Variants in HGF observed in about 807,000 individuals in gnomAD.
HGF encodes fibroblast-derived tumor cytotoxic factor.
Under a neutral mutation model 111.6 loss-of-function variants are expected in HGF, and 39 were observed. The observed-to-expected ratio is 0.35, with a 90% CI of 0.27 to 0.46. The LOEUF is 0.46. Ranked by LOEUF, HGF falls within the 20% of genes least tolerant of loss-of-function variation. The pLI is 1.00. For missense variants in HGF, 735 were observed against 910.5 expected (o/e 0.81, Z 2.48); for synonymous variants, 285 against 294.8 (o/e 0.97, Z 0.34).
chr7:81,741,263 T>C (rs565588666), intron 7 of HGF, among the ~76,000 whole-genome samples: 4 of 151,962 alleles, frequency 2.6e-5, no homozygotes, highest in Non-Finnish European at 5.9e-5. Flanking sequence ...GTGATATAGG[T>C]TTGGCTTACA....
At chr7:81,729,573 T>C (rs768282378) in intron 8 of HGF, 32 bp downstream of exon 8, 9 of 1,547,204 alleles carry the variant, frequency 5.8e-6, no homozygotes, top group Non-Finnish European at 8.0e-6. Flanking sequence ...CAGGGCCTAC[T>C]GAAATGTATA....
chr7:81,708,607 C>T (rs1789493090), intron 13 of HGF, among the ~76,000 whole-genome samples: 2 of 144,540 alleles, frequency 1.4e-5, no homozygotes, highest in South Asian at 4.3e-4. Context: ...CCATGCCCGG[C>T]TAATTTTTGT....
chr7:81,761,268 T>A (rs1423210233), intron 2 of HGF, among the ~76,000 whole-genome samples: 1 of 152,192 alleles, frequency 6.6e-6, no homozygotes, highest in Non-Finnish European at 1.5e-5. Flanking sequence ...GGAATATACT[T>A]GCAAAGTCAA....
In HGF at chr7:81,699,962, A is replaced by G. The variant is rs928278754; in HGVS notation, c.*2619T>C. The G allele has an allele frequency of 6.6e-6, 1 of 151,752 alleles. No homozygotes were observed. Among genetic ancestry groups the G allele is most frequent in the African/African-American group, 2.4e-5 (1 of 41,416 alleles). The allele number at this position is 151,752 out of a possible 1,614,324, so 9.4% of individuals were successfully genotyped here. A position where few individuals can be genotyped will look rare whatever the true frequency, so the allele number is the denominator to read the frequency against. ...ACAATAAAATTAAAGAAGTATACAA[A>G]AGGATTATCATTCCTTCTGCACGGC... On this transcript the variant is annotated 3_prime_UTR_variant, in exon 18 of 18. Coordinates refer to ENST00000222390, the MANE Select transcript of HGF (RefSeq NM_000601.6).
chr7:81,742,195 C>T (rs1273973213), intron 7 of HGF, among the ~76,000 whole-genome samples: 1 of 152,078 alleles, frequency 6.6e-6, no homozygotes, highest in Non-Finnish European at 1.5e-5. Flanking sequence ...GAAAGGCTTC[C>T]AGATTCTTCA....
At chr7:81,718,569 G>A (rs766303592) in intron 10 of HGF, among the ~76,000 whole-genome samples, 16 of 152,126 alleles carry the variant, frequency 1.1e-4, no homozygotes, top group African/African-American at 2.4e-4. Flanking sequence ...CCTACAAATT[G>A]TTTCCAAAAG....
At chr7:81,755,372 A>G (rs1788710409) in intron 4 of HGF, 1 of 152,122 alleles carries the variant, frequency 6.6e-6, no homozygotes, top group Admixed American at 6.6e-5. Flanking sequence ...CTGCTAATTG[A>G]TGAAAATTAT....
At chr7:81,725,312 CTTAT>C (rs1789977576) in intron 9 of HGF, among the ~76,000 whole-genome samples, 1 of 152,126 alleles carries the variant, frequency 6.6e-6, no homozygotes, top group African/African-American at 2.4e-5. Context: ...TAGTGATGTG[CTTAT>C]TTATTTAACT....
At chr7:81,758,953 T>A in intron 2 of HGF, 149 bp from the exon 3 acceptor site, 1 of 573,094 alleles carries the variant, frequency 1.7e-6, no homozygotes, top group Non-Finnish European at 3.0e-6. Flanking sequence ...ATGAGTAAAA[T>A]TTGAACCTAC....
rs1790047745 is a variant in HGF at position 81,727,423 on chromosome 7, T to C, written c.1041-1406A>G. ...ATTAGTCTTATCTCATCAAAGTAAG[T>C]CCTGACACAAACTATTATTTAAGGA... On this transcript the variant is annotated intron_variant, in intron 8 of 17. Transcript: ENST00000222390. Among the ~76,000 whole-genome samples, 8 of 152,080 alleles carry C rather than the reference T, an allele frequency of 5.3e-5. No homozygotes were observed. The South Asian group carries it at 1.7e-3, about 32-fold the overall frequency.
intron 5 of HGF, among the ~76,000 whole-genome samples, chr7:81,749,635 A>G (rs1324224123): frequency 4.6e-5 from 7 of 152,050 alleles, no homozygotes; most frequent in East Asian, 1.9e-4. Context: ...TAATATTATT[A>G]TCTATAGTCA....
intron 7 of HGF, among the ~76,000 whole-genome samples, chr7:81,733,547 A>G (rs1325724973): frequency 6.6e-6 from 1 of 152,090 alleles, no homozygotes; most frequent in African/African-American, 2.4e-5. Flanking sequence ...TTAACTCCAA[A>G]GTACCCTCTG....
At chr7:81,714,995 A>G (rs1271949168) in intron 11 of HGF, among the ~76,000 whole-genome samples, 1 of 152,158 alleles carries the variant, frequency 6.6e-6, no homozygotes, top group Admixed American at 6.5e-5. Flanking sequence ...AAGTCTTTCA[A>G]CAGCACATTA....
intron 8 of HGF, among the ~76,000 whole-genome samples, chr7:81,727,739 T>C (rs7810969): frequency 0.77 from 117,476 of 152,072 alleles, 45,593 homozygotes; most frequent in Middle Eastern, 0.88. Context: ...TCCCGTCTCA[T>C]CCTCCCAAAG....
chr7:81,722,945 A>C (rs1308048652), intron 9 of HGF, among the ~76,000 whole-genome samples: 1 of 151,666 alleles, frequency 6.6e-6, no homozygotes, highest in African/African-American at 2.4e-5. Flanking sequence ...TTTTAAAGTG[A>C]CTTTTTATAT....
intron 11 of HGF, among the ~76,000 whole-genome samples, chr7:81,713,145 G>A (rs1189796358): frequency 6.6e-6 from 1 of 152,112 alleles, no homozygotes; most frequent in Non-Finnish European, 1.5e-5. Flanking sequence ...TGTATATTAA[G>A]TCTCTTATTT....
At chr7:81,742,831 T>A in intron 7 of HGF, 1 of 1,572,290 alleles carries the variant, frequency 6.4e-7, no homozygotes, top group South Asian at 1.2e-5. Context: ...GAGGTAGGGA[T>A]CAGCTATAAA....
intron 5 of HGF, among the ~76,000 whole-genome samples, chr7:81,749,897 T>A (rs376187174): frequency 1.4e-4 from 21 of 152,162 alleles, no homozygotes; most frequent in South Asian, 1.2e-3. Context: ...CTATATGTCT[T>A]TTTCATTTGA....
intron 11 of HGF, among the ~76,000 whole-genome samples, chr7:81,714,056 T>G (rs549485945): frequency 9.9e-5 from 15 of 151,876 alleles, no homozygotes; most frequent in East Asian, 1.9e-4. Context: ...ACATGGACTT[T>G]TTCTGAAAAC....
Sources: allele counts gnomAD v4.1 joint callset (sites outside exome capture counted in the v4.1 genomes callset), GRCh38; gene constraint gnomAD v4.1.1; transcripts MANE v1.5; gene names NCBI Gene and HGNC (gene_info 2026-07-23, HGNC 2026-07-21).